The following PRMT7 variants were observed in gnomAD, a reference collection of about 807,000 sequenced individuals.
PRMT7 encodes the protein protein arginine methyltransferase 7.
PRMT7 carries 75 observed loss-of-function variants against 85.4 expected under a neutral mutation model. That is an observed-to-expected ratio of 0.88 (90% confidence interval 0.73 to 1.06). The LOEUF (loss-of-function observed/expected upper bound fraction) is 1.06. Among genes scored for constraint, PRMT7 ranks in the 50% least tolerant of loss-of-function variants. The probability of loss-of-function intolerance (pLI) is 0.00; values close to 1 mark genes in which losing one functional copy is unlikely to be tolerated. For synonymous variants in PRMT7, 397 were observed against 359.5 expected (o/e 1.10, Z -1.18); for missense variants, 868 against 915.2 (o/e 0.95, Z 0.67).
intron 4 of PRMT7, among the ~76,000 whole-genome samples, chr16:68,322,787 C>G (rs2082648833): frequency 6.6e-6 from 1 of 151,964 alleles, no homozygotes; most frequent in Non-Finnish European, 1.5e-5. Flanking sequence ...AATCCCAGCA[C>G]TTTGGGAAGC....
chr16:68,337,128 T>C (rs1486973761), intron 6 of PRMT7, among the ~76,000 whole-genome samples: 1 of 152,194 alleles, frequency 6.6e-6, no homozygotes, highest in Non-Finnish European at 1.5e-5. Flanking sequence ...ACTCAATCCA[T>C]TGGGTATTTA....
Position 68,353,493 on chromosome 16 carries a change from A to ACCTGTGGCGGATCCGGAGCC in PRMT7, c.1585_1604dup (p.Asp536GlyfsTer20), listed in dbSNP as rs771683559. On this transcript the variant is annotated frameshift_variant and splice_region_variant, in exon 16 of 19. Coordinates refer to ENST00000441236, the MANE Select transcript of PRMT7 (RefSeq NM_019023.5). LOFTEE classifies it high-confidence loss of function. The stretch of plus-strand genomic sequence containing the variant: ...GACGGGGCTGCTCCTTCCTCACAGG[A>ACCTGTGGCGGATCCGGAGCC]CCTGTGGCGGATCCGGAGCCCCTGT... 2 of 1,609,644 alleles carry ACCTGTGGCGGATCCGGAGCC rather than the reference A, an allele frequency of 1.2e-6. No homozygotes were observed. Among genetic ancestry groups the ACCTGTGGCGGATCCGGAGCC allele is most frequent in the Non-Finnish European group, 1.7e-6 (2 of 1,178,282 alleles).
Position 68,347,561 on chromosome 16 carries a change from G to T in PRMT7, c.1276-70G>T, listed in dbSNP as rs373763806. The T allele has an allele frequency of 3.3e-6, 5 of 1,512,716 alleles. No homozygotes were observed. In the African/African-American group the frequency reaches 5.5e-5, roughly 17 times the overall value. The allele number at this position is 1,512,716 out of a possible 1,614,324, so 93.7% of individuals were successfully genotyped here. A position where few individuals can be genotyped will look rare whatever the true frequency, so the allele number is the denominator to read the frequency against. On this transcript the variant is annotated intron_variant, in intron 12 of 18. Transcript: ENST00000441236. ...TCCTCTGTCTTAGGATGGTCTTGTC[G>T]CATTTTAATCTTTAATTTCTTCTCT...
chr16:68,352,252 C>G lies in PRMT7; in HGVS notation c.1418C>G (p.Ser473Cys), dbSNP rs918817730. 4 of 1,612,992 alleles carry G rather than the reference C, an allele frequency of 2.5e-6. No homozygotes were observed. In the African/African-American group the frequency reaches 4.0e-5, roughly 16 times the overall value. ...TGCTTCTCGCCCATTCACCAGGTCT[C>G]TCTCCTCCTGGGCGAGCCGTTCTTC... ...TNEDLQGRKV[S>C]LLLGEPFFTT... is the part of the protein sequence containing the mutation. Residue 473 changes from serine to cysteine, a missense_variant, in exon 15 of 19, where the codon TCT (serine) becomes TGT (cysteine). Ser to Cys is a moderately radical substitution (Grantham distance 112). Transcript: ENST00000441236.
At chr16:68,355,171 C>G (rs770919211) in intron 16 of PRMT7, 1 of 152,840 alleles carries the variant, frequency 6.5e-6, no homozygotes, top group African/African-American at 2.4e-5. Flanking sequence ...CAGAGTGGCC[C>G]GGCTGGCCTG....
At chr16:68,353,307 C>A (rs1317396854) in intron 15 of PRMT7, 185 bp from the exon 16 acceptor site, 3 of 1,323,134 alleles carry the variant, frequency 2.3e-6, no homozygotes, top group African/African-American at 3.1e-5. Context: ...TCAGAGCTTG[C>A]AGGTTCCCGC....
chr16:68,328,456 C>T (rs932609887), intron 5 of PRMT7: 2 of 146,100 alleles, frequency 1.4e-5, no homozygotes, highest in Admixed American at 1.4e-4. Context: ...CTCCCGTGGC[C>T]TGTTGGGGTA....
Position 68,334,882 on chromosome 16 carries a change from T to C in PRMT7, c.392-2577T>C, listed in dbSNP as rs1401431656. Reference sequence around the variant, plus strand: ...GGCAATTTCAGCTCACTACAACATCTGCCTCCCGGGTTCAGGCAATTCTCA... The same window carrying C: ...GGCAATTTCAGCTCACTACAACATCCGCCTCCCGGGTTCAGGCAATTCTCA... On this transcript the variant is annotated intron_variant, in intron 6 of 18. Transcript: ENST00000441236. Among the ~76,000 whole-genome samples, 3 of 152,100 alleles carry C rather than the reference T, an allele frequency of 2.0e-5. No homozygotes were observed. The East Asian group carries it at 5.8e-4, about 29-fold the overall frequency.
At chr16:68,358,947 G>A (rs777385839), downstream of PRMT7, 53 of 152,576 alleles carry the variant, frequency 3.5e-4, no homozygotes, top group Non-Finnish European at 6.0e-4. Flanking sequence ...GGAGGTGTGC[G>A]GGGGCCTGGG....
chr16:68,331,478 T>C (rs2083895281), intron 6 of PRMT7, among the ~76,000 whole-genome samples: 1 of 151,086 alleles, frequency 6.6e-6, no homozygotes, highest in Non-Finnish European at 1.5e-5. Context: ...TCTTTTTTTT[T>C]TTTTTTTGAG....
downstream of PRMT7, chr16:68,360,474 G>A (rs2089191192): frequency 6.6e-6 from 1 of 152,606 alleles, no homozygotes; most frequent in Non-Finnish European, 1.5e-5. Flanking sequence ...AGCTGGGGAA[G>A]GGACCCTGTC....
intron 16 of PRMT7, 92 bp downstream of exon 16, chr16:68,353,658 C>G (rs922492096): frequency 2.7e-5 from 34 of 1,245,168 alleles, no homozygotes; most frequent in Non-Finnish European, 3.6e-5. Context: ...ACAGGCTCTT[C>G]TGTTGGGGGC....
At chr16:68,356,143 C>G (rs1231174321) in intron 17 of PRMT7, among the ~76,000 whole-genome samples, 1 of 152,224 alleles carries the variant, frequency 6.6e-6, no homozygotes, top group Non-Finnish European at 1.5e-5. Context: ...GATCACAGCT[C>G]AGGAAGATGG....
chr16:68,341,230 G>A (rs985042119), intron 9 of PRMT7, among the ~76,000 whole-genome samples: 20 of 152,174 alleles, frequency 1.3e-4, no homozygotes, highest in African/African-American at 4.8e-4. Flanking sequence ...GGAAAAGAAA[G>A]TGGGAAAGGT....
In PRMT7 at chr16:68,339,405, A is replaced by G. The variant is rs773991048; in HGVS notation, c.588A>G (p.Leu196=). Residue 196 remains leucine (L), a synonymous_variant, in exon 8 of 19, where the codon CTA becomes CTG. Coordinates refer to ENST00000441236, the MANE Select transcript of PRMT7 (RefSeq NM_019023.5). The part of the protein sequence containing the change: ...ESGRMWSWNK[L]FPIHVQTSLG... Reference sequence around the variant, plus strand: ...GGAGGATGTGGTCGTGGAACAAGCTATTTCCCATCCACGTGCAGACCAGCC... The same window carrying G: ...GGAGGATGTGGTCGTGGAACAAGCTGTTTCCCATCCACGTGCAGACCAGCC... 71 of 1,614,012 alleles carry G rather than the reference A, an allele frequency of 4.4e-5. No homozygotes were observed. The highest frequency in any genetic ancestry group is 8.5e-7 in the Non-Finnish European group (1 of 1,180,020).
In PRMT7 at chr16:68,339,369, G is replaced by C; in HGVS notation, c.552G>C (p.Leu184=). The part of the protein sequence containing the change: ...VPHRATVYAQ[L]VESGRMWSWN... ...ACAGAGCCACCGTCTATGCACAGCT[G>C]GTGGAGTCCGGGAGGATGTGGTCGT... is the stretch of plus-strand genomic sequence containing the variant. The change falls in exon 8 of 19, where the codon CTG becomes CTC. Residue 184 remains leucine, a synonymous_variant. Coordinates refer to ENST00000441236, the MANE Select transcript of PRMT7 (RefSeq NM_019023.5). The C allele has an allele frequency of 6.2e-7, 1 of 1,614,184 alleles. No homozygotes were observed. The highest frequency in any genetic ancestry group is 1.1e-5 in the South Asian group (1 of 91,078).
At chr16:68,326,091 T>C (rs2083081786) in intron 5 of PRMT7, among the ~76,000 whole-genome samples, 1 of 152,226 alleles carries the variant, frequency 6.6e-6, no homozygotes. Context: ...ATAGGAAATT[T>C]GGTAAATACC....
intron 6 of PRMT7, 29 bp from the exon 7 acceptor site, chr16:68,337,430 G>A: frequency 1.3e-6 from 2 of 1,514,834 alleles, no homozygotes; most frequent in Non-Finnish European, 1.8e-6. Flanking sequence ...TGTTGCTTAT[G>A]TCCAACTCTG....
chr16:68,356,493 C>T (rs976791423), intron 17 of PRMT7, among the ~76,000 whole-genome samples: 7 of 152,228 alleles, frequency 4.6e-5, no homozygotes, highest in Non-Finnish European at 8.8e-5. Context: ...CTGCAGGGCT[C>T]GGGTTGGCTC....
Sources: gnomAD v4.1 joint callset for allele counts (sites outside exome capture counted in the v4.1 genomes callset) on GRCh38, gnomAD v4.1.1 for gene constraint, MANE v1.5 for transcripts, NCBI Gene and HGNC (gene_info 2026-07-23, HGNC 2026-07-21) for gene names.